Variants in HTR4 observed in about 807,000 individuals in gnomAD.
The protein encoded by HTR4 is 5-hydroxytryptamine receptor 4, also known as 5-hydroxytryptamine (serotonin) receptor 4, G protein-coupled.
Under a neutral mutation model 36.8 loss-of-function variants are expected in HTR4, and 16 were observed. The ratio of observed to expected loss-of-function variants is 0.43; its 90% CI spans 0.29 to 0.66. HTR4 has a LOEUF of 0.66. Ranked by LOEUF, HTR4 falls within the 30% of genes least tolerant of loss-of-function variation. The pLI, the probability that HTR4 is intolerant of heterozygous loss-of-function variation, is 0.13. For synonymous variants in HTR4, 189 were observed against 185.1 expected (o/e 1.02, Z -0.17); for missense variants, 438 against 490.9 (o/e 0.89, Z 1.02).
intron 6 of HTR4, among the ~76,000 whole-genome samples, chr5:148,501,001 GC>G (rs200367115): frequency 0.012 from 1,884 of 152,148 alleles, 20 homozygotes; most frequent in Middle Eastern, 0.048. Context: ...ATTTTTGGTA[GC>G]TATCTGAAAG....
intron 1 of HTR4, among the ~76,000 whole-genome samples, chr5:148,648,190 G>A (rs545464227): frequency 8.5e-5 from 13 of 152,242 alleles, no homozygotes; most frequent in African/African-American, 3.1e-4. Flanking sequence ...GCCTCAAAAA[G>A]GGCAACAACA....
rs531537275 is a variant in HTR4, at chr5:148,533,521, T to C, written c.354-10175A>G. On this transcript the variant is annotated intron_variant, in intron 4 of 6. Transcript: ENST00000377888. ...TTAAGCTCCATGCTAATCCCTTCCG[T>C]GCTCCTTCTGCAATTAAGGAAAATT... 5.9e-5 allele frequency among the ~76,000 whole-genome samples: 9 copies of C among 152,312 alleles called. No individual in the cohort carries two copies. The East Asian group carries it at 1.7e-3, about 29-fold the overall frequency.
chr5:148,523,400 G>A (rs1378854340), intron 4 of HTR4, 54 bp from the exon 5 acceptor site: 2 of 1,445,872 alleles, frequency 1.4e-6, no homozygotes, highest in South Asian at 1.4e-5. Context: ...GAATGGGAGG[G>A]AGAGAAAAGA....
intron 2 of HTR4, among the ~76,000 whole-genome samples, chr5:148,620,516 G>A (rs1347814723): frequency 6.6e-6 from 1 of 152,186 alleles, no homozygotes; most frequent in Non-Finnish European, 1.5e-5. Context: ...CAGCTGGGCT[G>A]TAAGTGGAAA....
At chr5:148,474,877 C>A (rs953398600), downstream of HTR4, among the ~76,000 whole-genome samples, 1 of 152,112 alleles carries the variant, frequency 6.6e-6, no homozygotes, top group African/African-American at 2.4e-5. Flanking sequence ...GAAACCCCAT[C>A]TCTATCAAAA....
At chr5:148,453,369 C>T (rs927262973) in intron 5 of HTR4, among the ~76,000 whole-genome samples, 2 of 152,206 alleles carry the variant, frequency 1.3e-5, no homozygotes, top group African/African-American at 4.8e-5. Flanking sequence ...CAGTTGCTAA[C>T]TCCATAATAC....
At chr5:148,626,094 C>T (rs1269579206) in intron 2 of HTR4, among the ~76,000 whole-genome samples, 1 of 152,174 alleles carries the variant, frequency 6.6e-6, no homozygotes, top group African/African-American at 2.4e-5. Context: ...GCCCCACCCT[C>T]AGTTAGGGGT....
intron 2 of HTR4, among the ~76,000 whole-genome samples, chr5:148,579,184 C>A (rs552232336): frequency 6.6e-6 from 1 of 152,126 alleles, no homozygotes; most frequent in East Asian, 1.9e-4. Context: ...TTAAGTTGAG[C>A]CTGGGGGCAC....
At chr5:148,492,236 T>G (rs746534982) in intron 6 of HTR4, among the ~76,000 whole-genome samples, 1 of 152,220 alleles carries the variant, frequency 6.6e-6, no homozygotes, top group South Asian at 2.1e-4. Flanking sequence ...ACACACGGAA[T>G]GTGCTCAACT....
chr5:148,613,687 T>C (rs1450543859), intron 2 of HTR4, among the ~76,000 whole-genome samples: 8 of 149,016 alleles, frequency 5.4e-5, no homozygotes, highest in Non-Finnish European at 1.2e-4. Context: ...CCAGGGCAAT[T>C]AGGCAGGAGA....
intron 2 of HTR4, among the ~76,000 whole-genome samples, chr5:148,559,817 C>A (rs887034814): frequency 1.3e-5 from 2 of 152,126 alleles, no homozygotes; most frequent in Non-Finnish European, 2.9e-5. Flanking sequence ...AGTGCACCTC[C>A]TGCTTCAATG....
chr5:148,542,809 C>T (rs766271737), intron 4 of HTR4, among the ~76,000 whole-genome samples: 17 of 152,124 alleles, frequency 1.1e-4, no homozygotes, highest in Non-Finnish European at 1.5e-4. Context: ...GATGATATAC[C>T]TCTGTTTTGT....
intron 6 of HTR4, among the ~76,000 whole-genome samples, chr5:148,504,772 G>A (rs1581393371): frequency 6.6e-6 from 1 of 152,192 alleles, no homozygotes; most frequent in Admixed American, 6.5e-5. Flanking sequence ...AGAAAAGAGA[G>A]AAGAATCAAA....
intron 1 of HTR4, among the ~76,000 whole-genome samples, chr5:148,643,929 G>A (rs994352144): frequency 4.6e-5 from 7 of 152,184 alleles, no homozygotes; most frequent in Non-Finnish European, 7.4e-5. Context: ...TCTGAATTCT[G>A]AGGAAATCCA....
chr5:148,574,441 T>C (rs1004897923), intron 2 of HTR4, among the ~76,000 whole-genome samples: 1 of 151,964 alleles, frequency 6.6e-6, no homozygotes, highest in African/African-American at 2.4e-5. Flanking sequence ...ATTTTAAAAA[T>C]CAACATCTGA....
intron 4 of HTR4, among the ~76,000 whole-genome samples, 189 bp downstream of exon 4, chr5:148,548,479 C>T (rs1047195607): frequency 2.0e-5 from 3 of 152,170 alleles, no homozygotes; most frequent in Admixed American, 2.0e-4. Flanking sequence ...ATCTACAGTG[C>T]CTCAGAGAGG....
chr5:148,628,661 T>A (rs1362367658), intron 2 of HTR4: 2 of 152,180 alleles, frequency 1.3e-5, no homozygotes, highest in African/African-American at 4.8e-5. Context: ...TGAGGAAAAA[T>A]CACTTAATCC....
chr5:148,470,484 G>A (rs1755537924), intron 5 of HTR4, among the ~76,000 whole-genome samples: 1 of 152,230 alleles, frequency 6.6e-6, no homozygotes, highest in Non-Finnish European at 1.5e-5. Context: ...AGGGCTAGAT[G>A]TAAGTATTTT....
At chr5:148,577,588 C>A (rs1360733502) in intron 2 of HTR4, among the ~76,000 whole-genome samples, 2 of 151,610 alleles carry the variant, frequency 1.3e-5, no homozygotes, top group Non-Finnish European at 2.9e-5. Flanking sequence ...CAATGACAGA[C>A]TGGATAAAGA....
Sources: gnomAD v4.1 joint callset for allele counts (sites outside exome capture counted in the v4.1 genomes callset) on GRCh38, gnomAD v4.1.1 for gene constraint, MANE v1.5 for transcripts, NCBI Gene and HGNC (gene_info 2026-07-23, HGNC 2026-07-21) for gene names.